Variants in GPM6B observed in about 807,000 individuals in gnomAD.
GPM6B encodes the protein neuronal membrane glycoprotein M6-b.
A neutral mutation model predicts 27.2 loss-of-function variants in GPM6B; 4 were observed. The ratio of observed to expected loss-of-function variants is 0.15; its 90% CI spans 0.07 to 0.34. The LOEUF is 0.34. Ranked by LOEUF, GPM6B falls within the 10% of genes least tolerant of loss-of-function variation. GPM6B has a pLI of 1.00. For synonymous variants in GPM6B, 124 were observed against 103.1 expected, an observed-to-expected ratio of 1.20 and a Z score of -1.23; for missense variants, 183 against 261.9, an observed-to-expected ratio of 0.70 and a Z score of 2.08.
rs747192183 is a variant in GPM6B, at chrX:13,773,066, AT to A, written c.838-37del. 1.0e-4 allele frequency: 122 copies of A among 1,179,790 alleles called. No individual in the cohort carries two copies. In the African/African-American group the frequency reaches 1.9e-3, roughly 19 times the overall value. On this transcript the variant is annotated intron_variant, in intron 7 of 7. Transcript: ENST00000316715. ...AGGGTGAGCATGATGGCTAGTGAGC[AT>A]TGTGAGAAGGCAAAGCGAGGCGCTA...
At chrX:13,917,845 A>G (rs188532156) in intron 1 of GPM6B, among the ~76,000 whole-genome samples, 27 of 112,610 alleles carry the variant, frequency 2.4e-4, no homozygotes, top group African/African-American at 8.4e-4. Context: ...TAATTGCATT[A>G]AACTATCAGT....
chrX:13,784,923 A>G (rs2048581911), intron 3 of GPM6B, among the ~76,000 whole-genome samples: 2 of 111,669 alleles, frequency 1.8e-5, no homozygotes, highest in African/African-American at 3.3e-5. Context: ...TCAGTCCTCA[A>G]CAGGGCTCCT....
chrX:13,876,167 G>C (rs767026841), intron 1 of GPM6B, among the ~76,000 whole-genome samples: 2 of 112,199 alleles, frequency 1.8e-5, no homozygotes, highest in South Asian at 3.7e-4. Context: ...AGATTAACTT[G>C]ATATAAGCAC....
At chrX:13,821,645 G>A (rs1603048850), upstream of GPM6B, among the ~76,000 whole-genome samples, 1 of 111,573 alleles carries the variant, frequency 9.0e-6, no homozygotes, top group East Asian at 2.8e-4. Flanking sequence ...TGCCTAGGCT[G>A]GAGTGCAATG....
At chrX:13,778,921 T>C (rs1271299309) in intron 5 of GPM6B, among the ~76,000 whole-genome samples, 3 of 112,176 alleles carry the variant, frequency 2.7e-5, no homozygotes, top group Non-Finnish European at 5.6e-5. Context: ...TAAGGTAAGA[T>C]GTTGAGACTA....
intron 1 of GPM6B, among the ~76,000 whole-genome samples, chrX:13,813,881 T>TA (rs1368171175): frequency 2.7e-5 from 3 of 112,567 alleles, no homozygotes; most frequent in African/African-American, 9.7e-5. Flanking sequence ...TGGCATTTCT[T>TA]ACATCCATCT....
intron 1 of GPM6B, among the ~76,000 whole-genome samples, chrX:13,852,794 G>A (rs1326059052): frequency 4.7e-4 from 26 of 55,107 alleles, no homozygotes; most frequent in Non-Finnish European, 7.5e-4. Context: ...TTTTTTTAAA[G>A]ACTGGGTTTC....
chrX:13,775,433 T>G (rs879093102), intron 7 of GPM6B, among the ~76,000 whole-genome samples: 2 of 112,639 alleles, frequency 1.8e-5, no homozygotes, highest in Admixed American at 1.9e-4. Context: ...ACTCGAAGTA[T>G]ATTTAGTGCC....
chrX:13,812,942 T>G (rs1322009688), intron 1 of GPM6B: 1 of 109,997 alleles, frequency 9.1e-6, no homozygotes, highest in East Asian at 2.8e-4. Context: ...AAGGAAGCTG[T>G]ATCATACCTA....
chrX:13,811,202 G>T (rs2049125041), intron 1 of GPM6B, among the ~76,000 whole-genome samples: 1 of 112,702 alleles, frequency 8.9e-6, no homozygotes, highest in African/African-American at 3.2e-5. Flanking sequence ...GACAGACACA[G>T]CTGTGAGTGG....
At chrX:13,822,702 C>T (rs1003734533) in intron 1 of GPM6B, among the ~76,000 whole-genome samples, 6 of 111,060 alleles carry the variant, frequency 5.4e-5, no homozygotes, top group Non-Finnish European at 7.5e-5. Context: ...CACACTGCTC[C>T]CCATGACAAA....
intron 1 of GPM6B, among the ~76,000 whole-genome samples, chrX:13,872,684 A>T (rs2049992275): frequency 9.0e-6 from 1 of 111,035 alleles, no homozygotes; most frequent in African/African-American, 3.3e-5. Context: ...AAAAAAGACA[A>T]TTTAGAGGGC....
chrX:13,864,235 T>C (rs901197511), intron 1 of GPM6B, among the ~76,000 whole-genome samples: 1 of 112,877 alleles, frequency 8.9e-6, no homozygotes, highest in Non-Finnish European at 1.9e-5. Flanking sequence ...TGCAGAATAA[T>C]GTAAATAAAT....
chrX:13,839,909 C>CA lies in GPM6B; in HGVS notation c.-197-54102dup, dbSNP rs755002697. On this transcript the variant is annotated intron_variant, in intron 1 of 6. Transcript: ENST00000398361. ...ATTCTGAAAAAGAACAAAGAGGACT[C>CA]AGACTACTGGATTTCAAGACAACTA... Among the ~76,000 whole-genome samples, 123 of 111,747 alleles carry CA rather than the reference C, an allele frequency of 1.1e-3. 2 individuals are homozygous for CA. Among genetic ancestry groups the CA allele is most frequent in the African/African-American group, 3.9e-3 (119 of 30,674 alleles).
chrX:13,775,412 T>C (rs772176984), intron 7 of GPM6B, among the ~76,000 whole-genome samples: 2 of 112,828 alleles, frequency 1.8e-5, no homozygotes, highest in African/African-American at 3.2e-5. Context: ...TCTCAGACTG[T>C]AAATAAGTAT....
chrX:13,836,617 A>AT (rs1324484176), intron 1 of GPM6B, among the ~76,000 whole-genome samples: 2 of 112,616 alleles, frequency 1.8e-5, no homozygotes, highest in African/African-American at 6.5e-5. Context: ...GACATCCTAT[A>AT]TTTTTGTTTC....
chrX:13,905,922 T>G (rs1003770386), intron 1 of GPM6B, among the ~76,000 whole-genome samples: 9 of 111,677 alleles, frequency 8.1e-5, no homozygotes, highest in African/African-American at 2.6e-4. Flanking sequence ...ATGCTGAATA[T>G]TAAACAATAG....
intron 1 of GPM6B, among the ~76,000 whole-genome samples, chrX:13,857,613 G>C (rs932114037): frequency 8.9e-6 from 1 of 112,302 alleles, no homozygotes; most frequent in African/African-American, 3.2e-5. Flanking sequence ...ATAGAGACTA[G>C]CATGTTTTAC....
At chrX:13,813,648 G>A (rs1365552445) in intron 1 of GPM6B, among the ~76,000 whole-genome samples, 1 of 111,933 alleles carries the variant, frequency 8.9e-6, no homozygotes, top group Non-Finnish European at 1.9e-5. Context: ...TCCACTCTCA[G>A]CAATTTCAGA....
Sources: allele counts gnomAD v4.1 joint callset (sites outside exome capture counted in the v4.1 genomes callset), GRCh38; gene constraint gnomAD v4.1.1; transcripts MANE v1.5; gene names NCBI Gene and HGNC (gene_info 2026-07-23, HGNC 2026-07-21).